The following ADGRG6 variants were observed in gnomAD, a reference collection of about 807,000 sequenced individuals.
ADGRG6 encodes G-protein coupled receptor 126.
A neutral mutation model predicts 142.4 loss-of-function variants in ADGRG6; 84 were observed. The ratio of observed to expected loss-of-function variants is 0.59; its 90% CI spans 0.49 to 0.71. ADGRG6 has a LOEUF of 0.71. Among genes scored for constraint, ADGRG6 ranks in the 30% least tolerant of loss-of-function variants. The pLI is 0.00. For missense variants in ADGRG6, 1,367 were observed against 1,466.6 expected, an observed-to-expected ratio of 0.93 and a Z score of 1.11; for synonymous variants, 521 against 520.5, an observed-to-expected ratio of 1.00 and a Z score of -0.01.
chr6:142,310,560 C>T (rs902193382), intron 2 of ADGRG6, among the ~76,000 whole-genome samples: 2 of 151,612 alleles, frequency 1.3e-5, no homozygotes, highest in African/African-American at 4.8e-5. Flanking sequence ...ACATTTTAAA[C>T]ATCGTGGAAA....
At chr6:142,318,994 A>G (rs1778388668) in intron 2 of ADGRG6, among the ~76,000 whole-genome samples, 2 of 152,100 alleles carry the variant, frequency 1.3e-5, no homozygotes, top group Admixed American at 1.3e-4. Context: ...ATGAAGATGA[A>G]TGCTGAAGGG....
At position 142,435,935 on chromosome 6, in the gene ADGRG6, G is replaced by A. The variant is rs180883804; in HGVS notation, c.3320-1499G>A. Among the ~76,000 whole-genome samples the A allele has an allele frequency of 2.3e-4, 35 of 152,270 alleles. No individual in the cohort carries two copies. In the East Asian group the frequency reaches 4.6e-3, roughly 20 times the overall value. ...TTATGGAAAGATTTGGGAGAAGAGC[G>A]TTCAGCATGGTATTGGGCTGGAATG... On this transcript the variant is annotated intron_variant, in intron 22 of 24. Coordinates refer to ENST00000367609, the MANE Select transcript of ADGRG6 (RefSeq NM_198569.3).
At chr6:142,404,484 A>G (rs112645855) in intron 14 of ADGRG6, among the ~76,000 whole-genome samples, 2,881 of 152,026 alleles carry the variant, frequency 0.019, 97 homozygotes, top group African/African-American at 0.066. Flanking sequence ...TACTAAAAAT[A>G]CAAAAAAAAG....
Position 142,370,927 on chromosome 6 carries a change from T to C in ADGRG6, c.1069+134T>C, listed in dbSNP as rs555941489. ...ACACATATAGACATATATATATATGTTGTCATTAAAAAGCTCTTTTAATTT... is the reference window on the plus strand; with the variant it reads ...ACACATATAGACATATATATATATGCTGTCATTAAAAAGCTCTTTTAATTT... On this transcript the variant is annotated intron_variant, in intron 4 of 24. Transcript: ENST00000367609. 7.0e-4 allele frequency: 636 copies of C among 907,422 alleles called. 1 individual carries two copies. Among genetic ancestry groups the C allele is most frequent in the Middle Eastern group, 3.3e-3 (14 of 4,240 alleles). The allele number at this position is 907,422 out of a possible 1,614,324, so 56.2% of individuals were successfully genotyped here.
intron 4 of ADGRG6, among the ~76,000 whole-genome samples, chr6:142,379,457 C>A (rs1781651636): frequency 6.6e-6 from 1 of 152,152 alleles, no homozygotes; most frequent in Admixed American, 6.5e-5. Context: ...TCCTCATTTT[C>A]CCTCACTGCC....
At chr6:142,365,790 C>G (rs1780917293) in intron 2 of ADGRG6, among the ~76,000 whole-genome samples, 1 of 152,080 alleles carries the variant, frequency 6.6e-6, no homozygotes, top group African/African-American at 2.4e-5. Context: ...AGAGAAAAAC[C>G]TCACTTGAGC....
chr6:142,333,829 A>C (rs1015810399), intron 2 of ADGRG6, among the ~76,000 whole-genome samples: 1 of 152,206 alleles, frequency 6.6e-6, no homozygotes, highest in African/African-American at 2.4e-5. Context: ...GAGGAAATTG[A>C]ATCACAGAGA....
At chr6:142,323,606 A>G (rs1209312232) in intron 2 of ADGRG6, among the ~76,000 whole-genome samples, 1 of 152,084 alleles carries the variant, frequency 6.6e-6, no homozygotes, top group East Asian at 1.9e-4. Context: ...TCGTTAGGTG[A>G]TTTCGTCACT....
chr6:142,318,188 T>G, intron 2 of ADGRG6, among the ~76,000 whole-genome samples: 1 of 19,200 alleles, frequency 5.2e-5, no homozygotes, highest in East Asian at 2.0e-3. Flanking sequence ...TATTATATAT[T>G]ATATATTTAT....
At position 142,407,999 on chromosome 6, in the gene ADGRG6, G is replaced by T. The variant is rs545670164; in HGVS notation, c.2269-151G>T. On this transcript the variant is annotated intron_variant, in intron 15 of 24. Transcript: ENST00000367609. Reference sequence around the variant, plus strand: ...TAAGGGAAATAGCAAACCTCCTTCAGGAAAGCCAGCAACTTGATGTGATAA... The same window carrying T: ...TAAGGGAAATAGCAAACCTCCTTCATGAAAGCCAGCAACTTGATGTGATAA... The T allele has an allele frequency of 3.3e-5, 17 of 507,806 alleles. No homozygotes were observed. In the South Asian group the frequency reaches 6.1e-4, roughly 18 times the overall value. 31.5% of individuals were successfully genotyped at this position (507,806 alleles called of 1,614,324 possible). A position where few individuals can be genotyped will look rare whatever the true frequency, so the allele number is the denominator to read the frequency against.
intron 2 of ADGRG6, among the ~76,000 whole-genome samples, chr6:142,343,468 T>C (rs1413372073): frequency 6.6e-6 from 1 of 151,814 alleles, no homozygotes; most frequent in African/African-American, 2.4e-5. Flanking sequence ...AACATGTATT[T>C]TTCCTCATGA....
intron 2 of ADGRG6, among the ~76,000 whole-genome samples, chr6:142,357,240 CCTCT>C (rs886689882): frequency 6.6e-6 from 1 of 151,554 alleles, no homozygotes; most frequent in African/African-American, 2.4e-5. Context: ...TTTCTCTTCC[CCTCT>C]CTCTCTCATT....
intron 2 of ADGRG6, among the ~76,000 whole-genome samples, chr6:142,323,169 T>C (rs545788870): frequency 2.4e-4 from 36 of 152,052 alleles, no homozygotes; most frequent in Middle Eastern, 3.4e-3. Context: ...GGGCTATTGA[T>C]TGAAGCAAAC....
chr6:142,311,427 A>T (rs1777763853), intron 2 of ADGRG6, among the ~76,000 whole-genome samples: 1 of 151,880 alleles, frequency 6.6e-6, no homozygotes, highest in African/African-American at 2.4e-5. Flanking sequence ...TGAATTCACA[A>T]ACACTCTTTA....
intron 20 of ADGRG6, 69 bp downstream of exon 20, chr6:142,416,133 A>G (rs1347128489): frequency 8.6e-7 from 1 of 1,168,868 alleles, no homozygotes; most frequent in Non-Finnish European, 1.2e-6. Context: ...CATAGGAAAA[A>G]ATCTTATTTA....
chr6:142,400,897 C>A (rs566637928), intron 11 of ADGRG6: 2 of 220,150 alleles, frequency 9.1e-6, no homozygotes, highest in Non-Finnish European at 1.8e-5. Flanking sequence ...CCTAGCCTAC[C>A]CTTGGAACAT....
rs775254294 is a variant in ADGRG6, at chr6:142,438,370, T to G, written c.3574+6T>G. 4.5e-6 allele frequency: 7 copies of G among 1,572,194 alleles called. No individual in the cohort carries two copies. The highest frequency in any genetic ancestry group is 5.2e-6 in the Non-Finnish European group (6 of 1,162,236). On this transcript the variant is annotated splice_donor_region_variant and intron_variant, in intron 24 of 24. Transcript: ENST00000367609. ...CAAAAGGAATAGCCACACAGGTGAG[T>G]CTAAAGATGTCCTCAAGTTTAGTTC...
At chr6:142,434,732 A>G (rs2115179831) in intron 22 of ADGRG6, among the ~76,000 whole-genome samples, 1 of 152,234 alleles carries the variant, frequency 6.6e-6, no homozygotes, top group African/African-American at 2.4e-5. Flanking sequence ...ATTCTTCAGT[A>G]ATTTAAATAG....
chr6:142,356,047 C>T (rs1312035519), intron 2 of ADGRG6, among the ~76,000 whole-genome samples: 1 of 152,136 alleles, frequency 6.6e-6, no homozygotes, highest in Non-Finnish European at 1.5e-5. Flanking sequence ...GAGGTTAATG[C>T]ATACATTGCC....
Sources: allele counts gnomAD v4.1 joint callset (sites outside exome capture counted in the v4.1 genomes callset), GRCh38; gene constraint gnomAD v4.1.1; transcripts MANE v1.5; gene names NCBI Gene and HGNC (gene_info 2026-07-23, HGNC 2026-07-21).